Variants in WDTC1 observed in about 807,000 individuals in gnomAD.
WDTC1 encodes the protein WD and tetratricopeptide repeats protein 1.
In WDTC1, 12 loss-of-function variants were observed where a neutral mutation model predicts 76.0. The observed-to-expected ratio is 0.16, with a 90% CI of 0.10 to 0.26. WDTC1 has a LOEUF of 0.26. Among genes scored for constraint, WDTC1 ranks in the 10% least tolerant of loss-of-function variants. WDTC1 has a pLI of 1.00. For missense variants in WDTC1, 511 were observed against 908.8 expected, an observed-to-expected ratio of 0.56 and a Z score of 5.63; for synonymous variants, 326 against 350.8, an observed-to-expected ratio of 0.93 and a Z score of 0.79.
chr1:27,249,025 T>G (rs1557478711), intron 1 of WDTC1, among the ~76,000 whole-genome samples: 1 of 152,162 alleles, frequency 6.6e-6, no homozygotes, highest in Non-Finnish European at 1.5e-5. Context: ...TCCAGCACTT[T>G]GGGAGGCTGA....
chr1:27,292,488 T>C, intron 7 of WDTC1, 91 bp downstream of exon 7: 1 of 1,276,112 alleles, frequency 7.8e-7, no homozygotes, highest in Non-Finnish European at 1.1e-6. Flanking sequence ...TGCCCTCTTC[T>C]TCTATCACAG....
chr1:27,242,283 G>T (rs1249522964), intron 1 of WDTC1, among the ~76,000 whole-genome samples: 1 of 152,040 alleles, frequency 6.6e-6, no homozygotes, highest in Non-Finnish European at 1.5e-5. Flanking sequence ...TGGGCAAAAT[G>T]ATGAGACCCC....
At chr1:27,242,463 CCT>C (rs2011657752) in intron 1 of WDTC1, among the ~76,000 whole-genome samples, 1 of 151,930 alleles carries the variant, frequency 6.6e-6, no homozygotes, top group Non-Finnish European at 1.5e-5. Flanking sequence ...AGAGCTAGAC[CCT>C]GTCTCTTTTT....
chr1:27,246,341 G>T (rs2011830307), intron 1 of WDTC1, among the ~76,000 whole-genome samples: 1 of 152,080 alleles, frequency 6.6e-6, no homozygotes, highest in African/African-American at 2.4e-5. Flanking sequence ...TTTGTGACTG[G>T]CTTCCTTCAC....
intron 6 of WDTC1, 45 bp from the exon 7 acceptor site, chr1:27,292,170 C>A (rs1004482344): frequency 1.4e-6 from 2 of 1,446,528 alleles, no homozygotes; most frequent in South Asian, 3.0e-5. Flanking sequence ...GCCTTCCTCT[C>A]AAGGACCCCA....
intron 9 of WDTC1, among the ~76,000 whole-genome samples, chr1:27,295,042 C>G (rs1332363449): frequency 5.9e-5 from 9 of 152,188 alleles, no homozygotes; most frequent in Non-Finnish European, 1.0e-4. Context: ...CAGCTCAGAG[C>G]AAGCTGTGGG....
At chr1:27,269,032 T>C (rs2012769806) in intron 3 of WDTC1, among the ~76,000 whole-genome samples, 1 of 149,524 alleles carries the variant, frequency 6.7e-6, no homozygotes, top group African/African-American at 2.5e-5. Flanking sequence ...CTTTTTTAAA[T>C]TAAAAATGTA....
intron 1 of WDTC1, among the ~76,000 whole-genome samples, chr1:27,260,104 T>C (rs1295389151): frequency 6.6e-6 from 1 of 151,936 alleles, no homozygotes; most frequent in Non-Finnish European, 1.5e-5. Flanking sequence ...GTTTTTGTTT[T>C]TTTGTTTTGT....
At chr1:27,252,209 T>C (rs2012093125) in intron 1 of WDTC1, among the ~76,000 whole-genome samples, 1 of 151,796 alleles carries the variant, frequency 6.6e-6, no homozygotes. Context: ...TAGCTGGGCA[T>C]GGTGGCACAC....
chr1:27,267,870 T>C (rs1454711310), intron 3 of WDTC1, among the ~76,000 whole-genome samples: 1 of 152,210 alleles, frequency 6.6e-6, no homozygotes, highest in African/African-American at 2.4e-5. Flanking sequence ...TCCATACCAA[T>C]AGACATGTAG....
chr1:27,283,599 C>T, intron 5 of WDTC1, 150 bp downstream of exon 5: 1 of 640,978 alleles, frequency 1.6e-6, no homozygotes, highest in Non-Finnish European at 2.6e-6. Context: ...TTGGTGATTC[C>T]TGAAACCTCA....
At chr1:27,251,401 GTCT>G (rs910067481) in intron 1 of WDTC1, among the ~76,000 whole-genome samples, 4 of 152,036 alleles carry the variant, frequency 2.6e-5, no homozygotes, top group African/African-American at 7.2e-5. Context: ...TGTGTCTTGT[GTCT>G]TCTTCTGTGC....
chr1:27,295,516 C>T (rs188954896), intron 9 of WDTC1, among the ~76,000 whole-genome samples: 146 of 151,406 alleles, frequency 9.6e-4, no homozygotes, highest in African/African-American at 3.5e-3. Flanking sequence ...GGCAATGGTG[C>T]GATCTCGGCT....
chr1:27,283,793 C>T (rs1436883009), intron 5 of WDTC1, among the ~76,000 whole-genome samples: 1 of 152,158 alleles, frequency 6.6e-6, no homozygotes, highest in African/African-American at 2.4e-5. Context: ...ATCACCTGAC[C>T]TGTCTGAGCC....
At position 27,307,842 on chromosome 1, in the gene WDTC1, C is replaced by G. The variant is rs1175341510; in HGVS notation, c.*1459C>G. 2 of 152,458 alleles carry G rather than the reference C, an allele frequency of 1.3e-5. No homozygotes were observed. The highest frequency in any genetic ancestry group is 2.9e-5 in the Non-Finnish European group (2 of 68,104). The allele number at this position is 152,458 out of a possible 1,614,324, so 9.4% of individuals were successfully genotyped here. A position where few individuals can be genotyped will look rare whatever the true frequency, so the allele number is the denominator to read the frequency against. On this transcript the variant is annotated 3_prime_UTR_variant, in exon 16 of 16. Coordinates refer to ENST00000319394, the MANE Select transcript of WDTC1 (RefSeq NM_001276252.2). The surrounding 1 kb of genome is among the most constrained non-coding windows in gnomAD (Gnocchi z 4.1). Reference sequence around the variant, plus strand: ...CCCACCCCAGTCCCTCTTCCCACCCCTCTCTTCTAGCTTGGTAATGAAGTA... The same window carrying G: ...CCCACCCCAGTCCCTCTTCCCACCCGTCTCTTCTAGCTTGGTAATGAAGTA...
intron 1 of WDTC1, among the ~76,000 whole-genome samples, chr1:27,243,786 C>A (rs1017959997): frequency 1.3e-5 from 2 of 152,044 alleles, no homozygotes; most frequent in Admixed American, 6.6e-5. Flanking sequence ...TTCCTCCTCA[C>A]CCTGCAGAGG....
chr1:27,269,164 CAAAAAAAAAAAAAA>C (rs34447091), intron 3 of WDTC1, among the ~76,000 whole-genome samples: 5 of 58,858 alleles, frequency 8.5e-5, no homozygotes, highest in Non-Finnish European at 1.4e-4. Flanking sequence ...CCTGTTTCTC[CAAAAAAAAAAAAAA>C]AAAAAAAAAA....
intron 3 of WDTC1, among the ~76,000 whole-genome samples, chr1:27,267,891 A>G (rs550794007): frequency 6.8e-4 from 103 of 152,134 alleles, no homozygotes; most frequent in Non-Finnish European, 1.1e-3. Context: ...ATTATTTACA[A>G]TTTTTTGCAT....
intron 3 of WDTC1, among the ~76,000 whole-genome samples, chr1:27,267,412 AT>A (rs1427679085): frequency 6.6e-6 from 1 of 152,020 alleles, no homozygotes; most frequent in African/African-American, 2.4e-5. Flanking sequence ...CACCCAGCTA[AT>A]TTTTTTATTT....
Sources: gnomAD v4.1 joint callset for allele counts (sites outside exome capture counted in the v4.1 genomes callset) on GRCh38, gnomAD v4.1.1 for gene constraint, Gnocchi (gnomAD v3.1) non-coding constraint, MANE v1.5 for transcripts, NCBI Gene and HGNC (gene_info 2026-07-23, HGNC 2026-07-21) for gene names.